Variants in PCDHGA11 observed in about 807,000 individuals in gnomAD.
PCDHGA11 encodes protocadherin gamma-A11.
PCDHGA11 carries 39 observed loss-of-function variants against 60.4 expected under a neutral mutation model. That is an observed-to-expected ratio of 0.65 (90% confidence interval 0.50 to 0.84). The LOEUF (loss-of-function observed/expected upper bound fraction) is 0.84, where lower values mean the gene tolerates loss of function less well. Ranked by LOEUF, PCDHGA11 falls within the 40% of genes least tolerant of loss-of-function variation. The probability of loss-of-function intolerance (pLI) is 0.00; values close to 1 mark genes in which losing one functional copy is unlikely to be tolerated. For missense variants in PCDHGA11, 1,165 were observed against 1,197.7 expected (o/e 0.97, Z 0.40); for synonymous variants, 533 against 510.3 (o/e 1.04, Z -0.60).
intron 3 of PCDHGA11, 154 bp from the exon 4 acceptor site, chr5:141,510,793 G>GAGA: frequency 1.1e-6 from 1 of 935,078 alleles, no homozygotes; most frequent in Non-Finnish European, 1.3e-6. Context: ...CTCTTGTGAA[G>GAGA]AGAGACTACC....
At position 141,432,718 on chromosome 5, in the gene PCDHGA11, T is replaced by C; in HGVS notation, c.2433+9058T>C. ...CCGTCCAGGACCACGGCCAGCCCCC[T>C]CTCTCCGCCACTGTCACGCTCACCG... On this transcript the variant is annotated intron_variant, in intron 1 of 3. Coordinates refer to ENST00000398587, the MANE Select transcript of PCDHGA11 (RefSeq NM_018914.3). This position sits in a 1 kb window ranked among gnomAD's most constrained non-coding sequence, Gnocchi z 6.0. 1 of 1,613,476 alleles carries C rather than the reference T, an allele frequency of 6.2e-7. No homozygotes were observed. The highest frequency in any genetic ancestry group is 8.5e-7 in the Non-Finnish European group (1 of 1,179,862).
Position 141,476,290 on chromosome 5 carries a change from C to G in PCDHGA11, c.2434-18517C>G, listed in dbSNP as rs768208156. The stretch of plus-strand genomic sequence containing the variant: ...TGGTCGCGAACCTTGGTTTGGATCT[C>G]GGTAGCCTCTCAGCCCGCAGGTTCC... On this transcript the variant is annotated intron_variant, in intron 1 of 3. Coordinates refer to ENST00000398587, the MANE Select transcript of PCDHGA11 (RefSeq NM_018914.3). The surrounding 1 kb of genome is among the most constrained non-coding windows in gnomAD (Gnocchi z 7.6). 1 of 1,614,050 alleles carries G rather than the reference C, an allele frequency of 6.2e-7. No homozygotes were observed. The highest frequency in any genetic ancestry group is 1.7e-5 in the Admixed American group (1 of 60,012).
intron 1 of PCDHGA11, among the ~76,000 whole-genome samples, chr5:141,468,079 C>A (rs2099157359): frequency 6.6e-6 from 1 of 151,986 alleles, no homozygotes; most frequent in African/African-American, 2.4e-5. Context: ...AATCCCAGCA[C>A]TTTGGGAGGT....
intron 1 of PCDHGA11, among the ~76,000 whole-genome samples, chr5:141,482,794 G>A (rs374042779): frequency 6.2e-5 from 8 of 129,246 alleles, no homozygotes; most frequent in Non-Finnish European, 8.1e-5. Flanking sequence ...GTGTGTGGCC[G>A]GGTACGGTGG....
At position 141,422,035 on chromosome 5, in the gene PCDHGA11, C is replaced by A; in HGVS notation, c.808C>A (p.Pro270Thr). Residue 270 changes from proline (P) to threonine (T), a missense_variant, in exon 1 of 4, where the codon CCA (proline) becomes ACA (threonine). Coordinates refer to ENST00000398587, the MANE Select transcript of PCDHGA11 (RefSeq NM_018914.3). ...GGTGCTGATGGTTAATGCAACGGATCCAGACGAGGGAATCAACGGGGAAGT... is the reference window on the plus strand; with the variant it reads ...GGTGCTGATGGTTAATGCAACGGATACAGACGAGGGAATCAACGGGGAAGT... ...TRVLMVNATD[P>T]DEGINGEVMY... 1 of 1,611,086 alleles carries A rather than the reference C, an allele frequency of 6.2e-7. No homozygotes were observed. Among genetic ancestry groups the A allele is most frequent in the South Asian group, 1.1e-5 (1 of 90,386 alleles).
rs771411620 is a variant in PCDHGA11, at chr5:141,485,551, G to A, written c.2434-9256G>A. ...GAGCAGAGGTAGAGATCGTAGATGT[G>A]AATGATCACGCCCCCCGTTTTCCGC... On this transcript the variant is annotated intron_variant, in intron 1 of 3. Transcript: ENST00000398587. This position sits in a 1 kb window ranked among gnomAD's most constrained non-coding sequence, Gnocchi z 5.7. 1.9e-6 allele frequency: 3 copies of A among 1,613,958 alleles called. No individual in the cohort carries two copies. Among genetic ancestry groups the A allele is most frequent in the Admixed American group, 1.7e-5 (1 of 60,006 alleles).
chr5:141,490,061 A>T lies in PCDHGA11; in HGVS notation c.2434-4746A>T. The stretch of plus-strand genomic sequence containing the variant: ...GCCACTGATCCAGACGAGGGCACCA[A>T]CGGCCAACTAGACTATTCTTTTGGA... On this transcript the variant is annotated intron_variant, in intron 1 of 3. Transcript: ENST00000398587. This position sits in a 1 kb window ranked among gnomAD's most constrained non-coding sequence, Gnocchi z 5.4. 1 of 1,614,214 alleles carries T rather than the reference A, an allele frequency of 6.2e-7. No homozygotes were observed. The highest frequency in any genetic ancestry group is 8.5e-7 in the Non-Finnish European group (1 of 1,180,030).
rs1265422100 is a variant in PCDHGA11 at position 141,490,199 on chromosome 5, C to A, written c.2434-4608C>A. On this transcript the variant is annotated intron_variant, in intron 1 of 3. Transcript: ENST00000398587. This position sits in a 1 kb window ranked among gnomAD's most constrained non-coding sequence, Gnocchi z 5.4. The stretch of plus-strand genomic sequence containing the variant: ...GAGTCACGTTTCTATGAAATTCATG[C>A]AAGAGCCCGTGACCAGGGACAGCCT... The A allele has an allele frequency of 1.9e-6, 3 of 1,614,184 alleles. No homozygotes were observed. The highest frequency in any genetic ancestry group is 2.5e-6 in the Non-Finnish European group (3 of 1,180,024).
chr5:141,495,939 G>A (rs1408330065), intron 2 of PCDHGA11, among the ~76,000 whole-genome samples: 1 of 151,994 alleles, frequency 6.6e-6, no homozygotes, highest in Non-Finnish European at 1.5e-5. Context: ...TCTGGTCTCT[G>A]TGCCTGTTGT....
intron 1 of PCDHGA11, chr5:141,427,468 C>T: frequency 2.0e-6 from 1 of 509,312 alleles, no homozygotes; most frequent in Middle Eastern, 3.0e-4. Flanking sequence ...ATCGAATCTT[C>T]CGCCAATAAT....
At chr5:141,424,982 G>T (rs2096852076) in intron 1 of PCDHGA11, among the ~76,000 whole-genome samples, 1 of 152,106 alleles carries the variant, frequency 6.6e-6, no homozygotes, top group South Asian at 2.1e-4. Context: ...GGATATTTAT[G>T]TTCCCTTTCA....
chr5:141,503,377 A>G lies in PCDHGA11; in HGVS notation c.2493-2016A>G, dbSNP rs534841057. Among the ~76,000 whole-genome samples, 4 of 152,142 alleles carry G rather than the reference A, an allele frequency of 2.6e-5. No homozygotes were observed. In the East Asian group the frequency reaches 7.8e-4, roughly 30 times the overall value. The stretch of plus-strand genomic sequence containing the variant: ...TTTGGGAAGCGGAGGCAGGTGGATC[A>G]TGAGGTCAGGAGTTCGAAACCAACC... On this transcript the variant is annotated intron_variant, in intron 2 of 3. Coordinates refer to ENST00000398587, the MANE Select transcript of PCDHGA11 (RefSeq NM_018914.3).
chr5:141,487,127 A>T lies in PCDHGA11; in HGVS notation c.2434-7680A>T. ...GGTCATTGTGGTAAAGGATAGTGGT[A>T]GTCCACCACTCTCTACCTCTGTTAC... On this transcript the variant is annotated intron_variant, in intron 1 of 3. Coordinates refer to ENST00000398587, the MANE Select transcript of PCDHGA11 (RefSeq NM_018914.3). The surrounding 1 kb of genome is among the most constrained non-coding windows in gnomAD (Gnocchi z 5.0). 6.2e-7 allele frequency: 1 copy of T among 1,613,334 alleles called. No individual in the cohort carries two copies. Among genetic ancestry groups the T allele is most frequent in the Admixed American group, 1.7e-5 (1 of 60,026 alleles).
At chr5:141,449,726 TTTTTTATGACATGATTA>T (rs2098653732) in intron 1 of PCDHGA11, among the ~76,000 whole-genome samples, 1 of 151,792 alleles carries the variant, frequency 6.6e-6, no homozygotes, top group Admixed American at 6.6e-5. Flanking sequence ...ATGATATGAT[TTTTTTATGACATGATTA>T]TTTTTATGAC....
intron 1 of PCDHGA11, among the ~76,000 whole-genome samples, chr5:141,453,517 C>A (rs1001603927): frequency 1.3e-5 from 2 of 152,062 alleles, no homozygotes; most frequent in African/African-American, 4.8e-5. Flanking sequence ...TCATTCCTCC[C>A]CTATACCTTC....
At chr5:141,458,899 T>A (rs1398965632) in intron 1 of PCDHGA11, among the ~76,000 whole-genome samples, 2 of 152,106 alleles carry the variant, frequency 1.3e-5, no homozygotes, top group African/African-American at 2.4e-5. Context: ...GCGCAGCTAA[T>A]TTTTTCTATT....
At chr5:141,433,358 C>CTAT (rs2097585632) in intron 1 of PCDHGA11, 108 of 504,044 alleles carry the variant, frequency 2.1e-4, no homozygotes, top group African/African-American at 2.0e-3. Flanking sequence ...CTACTGTCTG[C>CTAT]CTATCTATCT....
At chr5:141,506,432 C>A (rs2099853359) in intron 3 of PCDHGA11, among the ~76,000 whole-genome samples, 1 of 132,482 alleles carries the variant, frequency 7.5e-6, no homozygotes, top group Non-Finnish European at 1.6e-5. Context: ...GGGCAACAGT[C>A]TCGCTCTGTC....
At chr5:141,504,666 G>T (rs2099839952) in intron 2 of PCDHGA11, among the ~76,000 whole-genome samples, 1 of 107,242 alleles carries the variant, frequency 9.3e-6, no homozygotes, top group South Asian at 3.6e-4. Context: ...AGGGCGGGGG[G>T]TGGGGGTTCT....
Sources: gnomAD v4.1 joint callset for allele counts (sites outside exome capture counted in the v4.1 genomes callset) on GRCh38, gnomAD v4.1.1 for gene constraint, Gnocchi (gnomAD v3.1) non-coding constraint, MANE v1.5 for transcripts, NCBI Gene and HGNC (gene_info 2026-07-23, HGNC 2026-07-21) for gene names.